The following TTK variants were observed in gnomAD, a reference collection of about 807,000 sequenced individuals.
TTK encodes TTK protein kinase.
TTK carries 59 observed loss-of-function variants against 117.3 expected under a neutral mutation model. The ratio of observed to expected loss-of-function variants is 0.50; its 90% confidence interval spans 0.41 to 0.62. The LOEUF (loss-of-function observed/expected upper bound fraction) is 0.62. TTK is among the 20% of genes least tolerant of loss of function. The pLI, the probability that TTK is intolerant of heterozygous loss-of-function variation, is 0.00. For synonymous variants in TTK, 302 were observed against 325.0 expected (o/e 0.93, Z 0.76); for missense variants, 921 against 989.4 (o/e 0.93, Z 0.93).
chr6:80,019,705 T>G (rs113781099), intron 10 of TTK, among the ~76,000 whole-genome samples: 2 of 152,310 alleles, frequency 1.3e-5, no homozygotes, highest in African/African-American at 2.4e-5. Flanking sequence ...TTGAGCTGTT[T>G]TCATTGAACC....
At chr6:80,036,366 G>T in intron 16 of TTK, 109 bp from the exon 17 acceptor site, 1 of 1,265,964 alleles carries the variant, frequency 7.9e-7, no homozygotes, top group Non-Finnish European at 1.1e-6. Context: ...TTATTGAATT[G>T]GGTTCACTAA....
chr6:80,010,715 T>C (rs1767118710), intron 4 of TTK, 99 bp from the exon 5 acceptor site: 4 of 1,261,628 alleles, frequency 3.2e-6, no homozygotes, highest in African/African-American at 1.5e-5. Context: ...TTAAGTCTTT[T>C]TGATTTTTTT....
At position 80,008,454 on chromosome 6, in the gene TTK, T is replaced by G. The variant is rs1195271914; in HGVS notation, c.431T>G (p.Phe144Cys). The G allele has an allele frequency of 6.2e-6, 10 of 1,612,406 alleles. No homozygotes were observed. In the East Asian group the frequency reaches 2.0e-4, roughly 32 times the overall value. Residue 144 changes from phenylalanine (F) to cysteine (C), a missense_variant, in exon 4 of 22, where the codon TTT (phenylalanine) becomes TGT (cysteine). By Grantham distance (205) the Phe-to-Cys change is radical (BLOSUM62 -2). Coordinates refer to ENST00000369798, the MANE Select transcript of TTK (RefSeq NM_003318.5). ...AGAGCAAACTGCAAGAAATTTGCTT[T>G]TGTTCATATATCTTTTGCACAATTT... The part of the protein sequence containing the change: ...MARANCKKFA[F>C]VHISFAQFEL...
chr6:80,011,574 A>G (rs778429365), intron 6 of TTK, 26 bp downstream of exon 6: 1 of 1,580,398 alleles, frequency 6.3e-7, no homozygotes, highest in Non-Finnish European at 8.6e-7. Flanking sequence ...CAGTTTTTAA[A>G]TGTTCATCTT....
chr6:80,029,970 AG>A (rs1462286474), intron 13 of TTK, among the ~76,000 whole-genome samples: 1 of 152,236 alleles, frequency 6.6e-6, no homozygotes, highest in Non-Finnish European at 1.5e-5. Context: ...AAGGCACAAA[AG>A]GAGGAGTGGG....
At chr6:80,007,167 A>G (rs1582084981) in intron 2 of TTK, among the ~76,000 whole-genome samples, 1 of 152,186 alleles carries the variant, frequency 6.6e-6, no homozygotes, top group Admixed American at 6.5e-5. Flanking sequence ...TATAAATTCC[A>G]AAGGTCTAGA....
In TTK at chr6:80,035,445, A is replaced by G. The variant is rs894711700; in HGVS notation, c.1924+28A>G. On this transcript the variant is annotated intron_variant, in intron 16 of 21. Coordinates refer to ENST00000369798, the MANE Select transcript of TTK (RefSeq NM_003318.5). ...ATTTAACAGTTTTTTTATATTTGTA[A>G]GGTTAAAATCTTTGTTAATAGTGTC... 4 of 1,568,570 alleles carry G rather than the reference A, an allele frequency of 2.6e-6. No individual in the cohort carries two copies. The South Asian group carries it at 4.9e-5, about 19-fold the overall frequency.
chr6:80,021,713 T>G (rs1225307639), intron 10 of TTK, among the ~76,000 whole-genome samples: 1 of 152,156 alleles, frequency 6.6e-6, no homozygotes, highest in African/African-American at 2.4e-5. Flanking sequence ...ATGGTTTGTG[T>G]CATCTTGACT....
intron 11 of TTK, 142 bp from the exon 12 acceptor site, chr6:80,026,236 G>T: frequency 1.2e-6 from 1 of 827,370 alleles, no homozygotes; most frequent in Non-Finnish European, 1.7e-6. Context: ...AGTCTAAAAT[G>T]TATATATATG....
chr6:80,015,835 A>G (rs1368816314), intron 10 of TTK, among the ~76,000 whole-genome samples: 1 of 152,210 alleles, frequency 6.6e-6, no homozygotes, highest in African/African-American at 2.4e-5. Context: ...AGAGTGCTGC[A>G]CAATGAAATA....
chr6:80,040,471 A>T, intron 20 of TTK, 135 bp from the exon 21 acceptor site: 1 of 896,664 alleles, frequency 1.1e-6, no homozygotes, highest in Non-Finnish European at 1.6e-6. Flanking sequence ...ATTTATTTTT[A>T]CTTATTCCAG....
rs768808118 is a variant in TTK at position 80,022,399 on chromosome 6, G to T, written c.1184G>T (p.Cys395Phe). The T allele has an allele frequency of 6.2e-7, 1 of 1,614,058 alleles. No homozygotes were observed. Among genetic ancestry groups the T allele is most frequent in the Non-Finnish European group, 8.5e-7 (1 of 1,179,982 alleles). Residue 395 changes from cysteine to phenylalanine, a missense_variant, in exon 11 of 22, where the codon TGT becomes TTT. By Grantham distance (205) the Cys-to-Phe change is radical. Transcript: ENST00000369798. ...TGGCAATCTAAGAGAAAGTCAGAGT[G>T]TATTAACCAGAATCCTGCTGCATCT... ...KQWQSKRKSE[C>F]INQNPAASSN... is the part of the protein sequence containing the mutation.
At position 80,007,995 on chromosome 6, in the gene TTK, T is replaced by C; in HGVS notation, c.326T>C (p.Phe109Ser). 268 of 1,239,972 alleles carry C rather than the reference T, an allele frequency of 2.2e-4. No homozygotes were observed. Among genetic ancestry groups the C allele is most frequent in the Middle Eastern group, 3.7e-4 (2 of 5,352 alleles). 76.8% of individuals were successfully genotyped at this position (1,239,972 alleles called of 1,614,324 possible). ...PPDKYGQNES[F>S]ARIQVRFAEL... ...GATAAATATGGCCAAAATGAGAGTT[T>C]TGCTAGAATTCAAGTGAGATTTGCT... Residue 109 changes from phenylalanine to serine, a missense_variant, in exon 3 of 22, where the codon TTT becomes TCT. Physicochemically the swap from Phe to Ser is radical, Grantham distance 155. Coordinates refer to ENST00000369798, the MANE Select transcript of TTK (RefSeq NM_003318.5).
chr6:80,014,469 C>A lies in TTK; in HGVS notation c.991C>A (p.Gln331Lys). Residue 331 changes from glutamine to lysine, a missense_variant, in exon 10 of 22, where the codon CAA becomes AAA. Transcript: ENST00000369798. ...GATTTTCTTTTTCATGTAGTCTGTT[C>A]AAAATAGTCATTTCAAGGAACCTCT... ...SCELRNLKSV[Q>K]NSHFKEPLVS... 1 of 1,604,090 alleles carries A rather than the reference C, an allele frequency of 6.2e-7. No homozygotes were observed. Among genetic ancestry groups the A allele is most frequent in the South Asian group, 1.1e-5 (1 of 88,820 alleles).
chr6:80,038,371 C>A (rs961715382), intron 18 of TTK, among the ~76,000 whole-genome samples: 1 of 152,112 alleles, frequency 6.6e-6, no homozygotes, highest in Non-Finnish European at 1.5e-5. Flanking sequence ...CTTTTGCCTA[C>A]CTTGATGCCT....
At chr6:80,040,729 A>G (rs1366820391) in intron 21 of TTK, 26 bp downstream of exon 21, 5 of 1,599,108 alleles carry the variant, frequency 3.1e-6, no homozygotes, top group Non-Finnish European at 4.3e-6. Flanking sequence ...CTTTACATTA[A>G]TTTTTACTGT....
At chr6:80,027,129 A>G (rs1221189551) in intron 12 of TTK, among the ~76,000 whole-genome samples, 1 of 152,160 alleles carries the variant, frequency 6.6e-6, no homozygotes, top group African/African-American at 2.4e-5. Context: ...ACCGGTGGCT[A>G]TATCTTTAAT....
At chr6:80,037,303 A>C (rs1314197218) in intron 17 of TTK, among the ~76,000 whole-genome samples, 1 of 152,130 alleles carries the variant, frequency 6.6e-6, no homozygotes, top group Non-Finnish European at 1.5e-5. Context: ...TCTTTGTATC[A>C]AAAGTATGGC....
At chr6:80,022,923 C>G (rs967362295) in intron 11 of TTK, among the ~76,000 whole-genome samples, 9 of 152,212 alleles carry the variant, frequency 5.9e-5, no homozygotes, top group Admixed American at 3.9e-4. Context: ...TAGCGCAGTG[C>G]TGTCCCAAGC....
Sources: allele counts gnomAD v4.1 joint callset (sites outside exome capture counted in the v4.1 genomes callset), GRCh38; gene constraint gnomAD v4.1.1; transcripts MANE v1.5; gene names NCBI Gene and HGNC (gene_info 2026-07-23, HGNC 2026-07-21).